Variants in CCS observed in about 807,000 individuals in gnomAD.
The protein encoded by CCS is superoxide dismutase copper chaperone.
CCS carries 32 observed loss-of-function variants against 35.5 expected under a neutral mutation model. That is an observed-to-expected ratio of 0.90 (90% CI 0.68 to 1.21). CCS has a LOEUF of 1.21. Ranked by LOEUF, CCS falls within the 50% of genes most tolerant of loss-of-function variation. The pLI is 0.00. For missense variants in CCS, 342 were observed against 375.4 expected (o/e 0.91, Z 0.73); for synonymous variants, 130 against 147.2 (o/e 0.88, Z 0.84).
chr11:66,604,919 C>T (rs556759), intron 5 of CCS, among the ~76,000 whole-genome samples: 65,532 of 151,956 alleles, frequency 0.43, 15,936 homozygotes, highest in South Asian at 0.6. Context: ...TTGAAGACAG[C>T]CAAGGGCTCA....
At chr11:66,605,258 G>A (rs1448057402) in intron 5 of CCS, 81 bp from the exon 6 acceptor site, 5 of 1,588,474 alleles carry the variant, frequency 3.1e-6, no homozygotes, top group South Asian at 1.1e-5. Flanking sequence ...AGGAAGAGGC[G>A]TCGGAATCAG....
At chr11:66,600,659 T>A in intron 5 of CCS, 110 bp downstream of exon 5, 2 of 523,918 alleles carry the variant, frequency 3.8e-6, no homozygotes, top group Non-Finnish European at 3.4e-6. Context: ...TGGTGGAGTC[T>A]TTTCCTCTCA....
intron 4 of CCS, 94 bp downstream of exon 4, chr11:66,599,730 A>C (rs1258028884): frequency 1.7e-6 from 2 of 1,191,514 alleles, no homozygotes; most frequent in Non-Finnish European, 2.4e-6. Context: ...ACACACAGGC[A>C]CAACCTCCAG....
chr11:66,605,842 C>T lies in CCS; in HGVS notation c.812C>T (p.Pro271Leu), dbSNP rs1396407088. The T allele has an allele frequency of 6.5e-7, 1 of 1,549,242 alleles. No homozygotes were observed. The highest frequency in any genetic ancestry group is 8.7e-7 in the Non-Finnish European group (1 of 1,148,246). ...GGCCGAAAGGAGTCAGCGCAGCCCCCTGCCCACCTTTGAGCAGGACCTCAC... is the reference window on the plus strand; with the variant it reads ...GGCCGAAAGGAGTCAGCGCAGCCCCTTGCCCACCTTTGAGCAGGACCTCAC... ...GKGRKESAQP[P>L]AHL Residue 271 changes from proline to leucine, a missense_variant, in exon 8 of 8, where the codon CCT (proline) becomes CTT (leucine). By Grantham distance (98) the Pro-to-Leu change is moderately conservative. Transcript: ENST00000533244.
chr11:66,600,621 T>G lies in CCS; in HGVS notation c.489+72T>G, dbSNP rs368317591. On this transcript the variant is annotated intron_variant, in intron 5 of 7. Coordinates refer to ENST00000533244, the MANE Select transcript of CCS (RefSeq NM_005125.2). ...GTCTCAGAGGCAGGGCAGGCAGCTC[T>G]TGGGATCATAACAGTGTGATTCCTT... is the stretch of plus-strand genomic sequence containing the variant. The G allele has an allele frequency of 4.1e-6, 3 of 736,234 alleles. No individual in the cohort carries two copies. The African/African-American group carries it at 5.5e-5, about 13-fold the overall frequency. The allele number at this position is 736,234 out of a possible 1,614,324, so 45.6% of individuals were successfully genotyped here.
chr11:66,594,793 A>AC (rs1858446626), intron 2 of CCS, among the ~76,000 whole-genome samples: 1 of 151,806 alleles, frequency 6.6e-6, no homozygotes, highest in Non-Finnish European at 1.5e-5. Context: ...AAAAAAAAAA[A>AC]ACAAGTTCAC....
At position 66,593,212 on chromosome 11, in the gene CCS, G is replaced by A. The variant is rs772007611; in HGVS notation, c.-50G>A. 7 of 1,546,088 alleles carry A rather than the reference G, an allele frequency of 4.5e-6. No homozygotes were observed. In the South Asian group the frequency reaches 5.9e-5, roughly 13 times the overall value. On this transcript the variant is annotated 5_prime_UTR_variant, in exon 1 of 8. Coordinates refer to ENST00000533244, the MANE Select transcript of CCS (RefSeq NM_005125.2). ...TCCCCGCGACGCCGCGCTGGTTGGT[G>A]CTCCTGCGCCGGAGGAGTTCTGCGT...
At position 66,593,189 on chromosome 11, in the gene CCS, C is replaced by G. The variant is rs529841224; in HGVS notation, c.-73C>G. On this transcript the variant is annotated 5_prime_UTR_variant, in exon 1 of 8. Coordinates refer to ENST00000533244, the MANE Select transcript of CCS (RefSeq NM_005125.2). ...TAAGGGTGGCTTTAGAGGCTCAGTC[C>G]CCGCGACGCCGCGCTGGTTGGTGCT... The G allele has an allele frequency of 2.0e-5, 30 of 1,519,848 alleles. No individual in the cohort carries two copies. Among genetic ancestry groups the G allele is most frequent in the Non-Finnish European group, 2.7e-5 (30 of 1,122,504 alleles). 94.1% of individuals were successfully genotyped at this position (1,519,848 alleles called of 1,614,324 possible).
Position 66,593,254 on chromosome 11 carries a change from G to C in CCS, c.-8G>C. The C allele has an allele frequency of 6.4e-7, 1 of 1,560,910 alleles. No homozygotes were observed. Among genetic ancestry groups the C allele is most frequent in the South Asian group, 1.2e-5 (1 of 84,826 alleles). On this transcript the variant is annotated 5_prime_UTR_variant, in exon 1 of 8. Transcript: ENST00000533244. The stretch of plus-strand genomic sequence containing the variant: ...GTTCTGCGTCTCGGGGTGGTGACTG[G>C]GTCCAGAATGGCTTCGGATTCGGGG...
intron 5 of CCS, among the ~76,000 whole-genome samples, chr11:66,602,218 A>C (rs888003635): frequency 2.0e-5 from 3 of 152,360 alleles, no homozygotes; most frequent in African/African-American, 7.2e-5. Flanking sequence ...TCTCTGGGGC[A>C]GGAATTTGTG....
Position 66,593,659 on chromosome 11 carries a change from G to C in CCS, c.57G>C (p.Gln19His). 1 of 1,614,046 alleles carries C rather than the reference G, an allele frequency of 6.2e-7. No homozygotes were observed. Among genetic ancestry groups the C allele is most frequent in the African/African-American group, 1.3e-5 (1 of 75,046 alleles). The change falls in exon 2 of 8, where the codon CAG (glutamine) becomes CAC (histidine). Residue 19 changes from glutamine to histidine, a missense_variant. Gln to His is a conservative substitution (Grantham distance 24). Coordinates refer to ENST00000533244, the MANE Select transcript of CCS (RefSeq NM_005125.2). ...CCTTGCAGTTGGAGTTCGCGGTGCAGATGACCTGTCAGAGCTGTGTGGACG... is the reference window on the plus strand; with the variant it reads ...CCTTGCAGTTGGAGTTCGCGGTGCACATGACCTGTCAGAGCTGTGTGGACG... ...GTLCTLEFAV[Q>H]MTCQSCVDAV... is the part of the protein sequence containing the mutation.
rs780512810 is a variant in CCS, at chr11:66,593,234, G to T, written c.-28G>T. ...GGTGCTCCTGCGCCGGAGGAGTTCT[G>T]CGTCTCGGGGTGGTGACTGGGTCCA... On this transcript the variant is annotated 5_prime_UTR_variant, in exon 1 of 8. Coordinates refer to ENST00000533244, the MANE Select transcript of CCS (RefSeq NM_005125.2). 1 of 1,557,212 alleles carries T rather than the reference G, an allele frequency of 6.4e-7. No individual in the cohort carries two copies. The highest frequency in any genetic ancestry group is 8.7e-7 in the Non-Finnish European group (1 of 1,150,762).
Position 66,600,553 on chromosome 11 carries a change from A to G in CCS, c.489+4A>G, listed in dbSNP as rs766419685. 4.6e-6 allele frequency: 7 copies of G among 1,509,372 alleles called. No individual in the cohort carries two copies. The highest frequency in any genetic ancestry group is 6.3e-6 in the Non-Finnish European group (7 of 1,119,986). 93.5% of individuals were successfully genotyped at this position (1,509,372 alleles called of 1,614,324 possible). A position where few individuals can be genotyped will look rare whatever the true frequency, so the allele number is the denominator to read the frequency against. On this transcript the variant is annotated splice_donor_region_variant and intron_variant, in intron 5 of 7. Coordinates refer to ENST00000533244, the MANE Select transcript of CCS (RefSeq NM_005125.2). ...GGGCCCCCAGGACTCTGACCGGGTAAGTGTCTGTCTGGGTTTGGGCTTGGG... is the reference window on the plus strand; with the variant it reads ...GGGCCCCCAGGACTCTGACCGGGTAGGTGTCTGTCTGGGTTTGGGCTTGGG...
intron 1 of CCS, 158 bp from the exon 2 acceptor site, chr11:66,593,484 C>A: frequency 2.1e-6 from 2 of 944,660 alleles, no homozygotes; most frequent in Non-Finnish European, 3.2e-6. Context: ...TCCCATGGTC[C>A]TGGAATGGTC....
At chr11:66,599,310 C>G in intron 3 of CCS, 57 bp downstream of exon 3, 1 of 1,524,308 alleles carries the variant, frequency 6.6e-7, no homozygotes, top group Non-Finnish European at 8.8e-7. Flanking sequence ...AGAGCTGGTA[C>G]AAATCTAATC....
At chr11:66,602,388 C>T (rs1858585033) in intron 5 of CCS, among the ~76,000 whole-genome samples, 1 of 152,192 alleles carries the variant, frequency 6.6e-6, no homozygotes, top group African/African-American at 2.4e-5. Flanking sequence ...TTCTTTGCCA[C>T]ATGGGTCTCT....
At chr11:66,599,706 T>G in intron 4 of CCS, 70 bp downstream of exon 4, 1 of 1,416,266 alleles carries the variant, frequency 7.1e-7, no homozygotes, top group East Asian at 2.4e-5. Context: ...TCACCAATAC[T>G]CTGTGAGGCA....
chr11:66,598,400 G>C (rs1858514562), intron 2 of CCS, among the ~76,000 whole-genome samples: 1 of 148,380 alleles, frequency 6.7e-6, no homozygotes, highest in Admixed American at 6.9e-5. Flanking sequence ...TGTAGTCCCT[G>C]CTACTCGGGA....
At chr11:66,604,265 C>T (rs1443943645) in intron 5 of CCS, among the ~76,000 whole-genome samples, 4 of 152,064 alleles carry the variant, frequency 2.6e-5, no homozygotes, top group African/African-American at 4.8e-5. Flanking sequence ...AACCGCTCTT[C>T]AGGGCTCTGT....
Sources: gnomAD v4.1 joint callset for allele counts (sites outside exome capture counted in the v4.1 genomes callset) on GRCh38, gnomAD v4.1.1 for gene constraint, MANE v1.5 for transcripts, NCBI Gene and HGNC (gene_info 2026-07-23, HGNC 2026-07-21) for gene names.